Variants in PSPC1 observed in about 807,000 individuals in gnomAD.
PSPC1 encodes the protein paraspeckle protein 1.
A neutral mutation model predicts 51.6 loss-of-function variants in PSPC1; 14 were observed. That is an observed-to-expected ratio of 0.27 (90% CI 0.18 to 0.42). The LOEUF (loss-of-function observed/expected upper bound fraction) is 0.42, where lower values mean the gene tolerates loss of function less well. PSPC1 is among the 10% of genes least tolerant of loss of function. The pLI is 1.00. For synonymous variants in PSPC1, 193 were observed against 231.9 expected (o/e 0.83, Z 1.53); for missense variants, 406 against 701.1 (o/e 0.58, Z 4.75).
At chr13:19,772,894 G>A (rs114686430) in intron 1 of PSPC1, among the ~76,000 whole-genome samples, 39 of 152,268 alleles carry the variant, frequency 2.6e-4, no homozygotes, top group African/African-American at 9.1e-4. Context: ...GGGCACAGTG[G>A]TTCACCCCTG....
chr13:19,747,289 T>C (rs1886094465), intron 4 of PSPC1, among the ~76,000 whole-genome samples: 1 of 152,148 alleles, frequency 6.6e-6, no homozygotes, highest in Non-Finnish European at 1.5e-5. Flanking sequence ...AGGCGGATAT[T>C]TACATATATA....
At chr13:19,778,072 T>C (rs1889362774) in intron 1 of PSPC1, among the ~76,000 whole-genome samples, 1 of 151,302 alleles carries the variant, frequency 6.6e-6, no homozygotes, top group South Asian at 2.1e-4. Flanking sequence ...TGAAACCCCG[T>C]CTCTACTAAA....
chr13:19,713,652 G>A (rs960450894), intron 6 of PSPC1, among the ~76,000 whole-genome samples: 1 of 150,206 alleles, frequency 6.7e-6, no homozygotes, highest in African/African-American at 2.4e-5. Context: ...TCCATGGAAA[G>A]AATTATACAT....
chr13:19,759,379 A>G lies in PSPC1; in HGVS notation c.714T>C (p.Phe238=). 1.2e-6 allele frequency: 2 copies of G among 1,614,202 alleles called. No homozygotes were observed. The highest frequency in any genetic ancestry group is 2.2e-5 in the South Asian group (2 of 91,082). ...RPVIVEPMEQ[F]DDEDGLPEKL... ...TCTCTGGCAAGCCATCTTCATCATC[A>G]AACTGCTCCATGGGTTCCACAATGA... Residue 238 remains phenylalanine, a synonymous_variant, in exon 3 of 9, where the codon TTT becomes TTC. Transcript: ENST00000338910.
chr13:19,747,059 G>A (rs1229846790), intron 4 of PSPC1, among the ~76,000 whole-genome samples: 1 of 152,112 alleles, frequency 6.6e-6, no homozygotes, highest in African/African-American at 2.4e-5. Flanking sequence ...AGTATGCCGA[G>A]ATGGCGCCAT....
chr13:19,703,311 A>G lies in PSPC1; in HGVS notation c.1436T>C (p.Met479Thr). ...QGPPSQMGSP[M>T]GSRTGSETPQ... The stretch of plus-strand genomic sequence containing the variant: ...GGTTTCAGAACCTGTTCTACTCCCC[A>G]TAGGTGAACCCATCTGAGATGGTGG... Residue 479 changes from methionine to threonine, a missense_variant, in exon 9 of 9, where the codon ATG (methionine) becomes ACG (threonine). Coordinates refer to ENST00000338910, the MANE Select transcript of PSPC1 (RefSeq NM_001354909.2). The G allele has an allele frequency of 6.2e-7, 1 of 1,613,680 alleles. No individual in the cohort carries two copies. The highest frequency in any genetic ancestry group is 8.5e-7 in the Non-Finnish European group (1 of 1,179,602).
chr13:19,735,259 C>T (rs867919072), intron 5 of PSPC1, among the ~76,000 whole-genome samples: 5 of 152,124 alleles, frequency 3.3e-5, no homozygotes, highest in South Asian at 2.1e-4. Context: ...TTGCAGCGAC[C>T]GAGATCGCGC....
intron 7 of PSPC1, among the ~76,000 whole-genome samples, chr13:19,676,701 T>A (rs1032830861): frequency 6.6e-6 from 1 of 152,162 alleles, no homozygotes; most frequent in Non-Finnish European, 1.5e-5. Flanking sequence ...GAACCACTTG[T>A]AGCAGCAAGA....
chr13:19,717,705 C>CAAA (rs780984201), intron 6 of PSPC1, among the ~76,000 whole-genome samples: 8,525 of 72,004 alleles, frequency 0.12, 462 homozygotes, highest in Middle Eastern at 0.16. Context: ...GACTCTGTCT[C>CAAA]AAAAAAAAAA....
At chr13:19,745,396 G>C (rs1374390391) in intron 4 of PSPC1, among the ~76,000 whole-genome samples, 1 of 151,994 alleles carries the variant, frequency 6.6e-6, no homozygotes, top group Non-Finnish European at 1.5e-5. Context: ...TAATTTCAAT[G>C]TATCATAAAT....
chr13:19,723,385 C>T (rs1248112514), intron 6 of PSPC1, among the ~76,000 whole-genome samples: 1 of 152,148 alleles, frequency 6.6e-6, no homozygotes, highest in Non-Finnish European at 1.5e-5. Flanking sequence ...AAAAGATTTA[C>T]AAATATGAAT....
chr13:19,760,481 T>C (rs958042031), intron 2 of PSPC1, among the ~76,000 whole-genome samples: 9 of 150,870 alleles, frequency 6.0e-5, no homozygotes, highest in Admixed American at 1.3e-4. Context: ...TGAGTGGCGA[T>C]CGCACCACTG....
rs35726784 is a variant in PSPC1 at position 19,717,875 on chromosome 13, T to TAA, written c.1159-8278_1159-8277dup. Reference sequence around the variant, plus strand: ...TGGGCGACAGAGGGAGACTCCACTTTAAAAAAAAAAAAGTAAATAAGGGTC... The same window carrying TAA: ...TGGGCGACAGAGGGAGACTCCACTTTAAAAAAAAAAAAAAGTAAATAAGGGTC... On this transcript the variant is annotated intron_variant, in intron 6 of 8. Coordinates refer to ENST00000338910, the MANE Select transcript of PSPC1 (RefSeq NM_001354909.2). Among the ~76,000 whole-genome samples, 689 of 138,104 alleles carry TAA rather than the reference T, an allele frequency of 5.0e-3. 5 individuals are homozygous for TAA. Among genetic ancestry groups the TAA allele is most frequent in the South Asian group, 0.028 (123 of 4,338 alleles). 90.6% of individuals were successfully genotyped at this position (138,104 alleles called of 152,430 possible). A position where few individuals can be genotyped will look rare whatever the true frequency, so the allele number is the denominator to read the frequency against.
rs147252989 is a variant in PSPC1, at chr13:19,712,054, A to G, written c.1159-2455T>C. On this transcript the variant is annotated intron_variant, in intron 6 of 8. Coordinates refer to ENST00000338910, the MANE Select transcript of PSPC1 (RefSeq NM_001354909.2). ...TGCTTCAAAACACCCAAAATCTTCT[A>G]GCTATAAAAATAATATCTATAGTAT... is the stretch of plus-strand genomic sequence containing the variant. 8.5e-3 allele frequency among the ~76,000 whole-genome samples: 1,289 copies of G among 152,312 alleles called. 17 individuals carry two copies. Among genetic ancestry groups the G allele is most frequent in the African/African-American group, 0.029 (1,208 of 41,576 alleles).
intron 1 of PSPC1, among the ~76,000 whole-genome samples, chr13:19,775,788 C>T (rs549603530): frequency 6.6e-6 from 1 of 152,190 alleles, no homozygotes; most frequent in East Asian, 1.9e-4. Context: ...CAGTGGCTCA[C>T]GCCTGTAATC....
chr13:19,717,273 A>G (rs1232736516), intron 6 of PSPC1, among the ~76,000 whole-genome samples: 1 of 151,256 alleles, frequency 6.6e-6, no homozygotes, highest in Non-Finnish European at 1.5e-5. Context: ...TTTTCTAATA[A>G]AAGTAAACTG....
intron 6 of PSPC1, among the ~76,000 whole-genome samples, chr13:19,687,998 G>T (rs369613828): frequency 2.6e-5 from 4 of 151,662 alleles, no homozygotes; most frequent in African/African-American, 4.8e-5. Flanking sequence ...CACTCTGATC[G>T]TATCTACTCC....
intron 4 of PSPC1, among the ~76,000 whole-genome samples, chr13:19,746,828 G>A (rs1192506632): frequency 1.3e-5 from 2 of 150,756 alleles, no homozygotes; most frequent in African/African-American, 2.4e-5. Context: ...CAACATTTAC[G>A]GCTGGGTGTG....
chr13:19,693,765 G>A (rs755847854), intron 6 of PSPC1, among the ~76,000 whole-genome samples: 14 of 152,014 alleles, frequency 9.2e-5, no homozygotes, highest in Non-Finnish European at 1.9e-4. Context: ...TTCCCTGCAG[G>A]ACAGCAAACA....
Sources: gnomAD v4.1 joint callset for allele counts (sites outside exome capture counted in the v4.1 genomes callset) on GRCh38, gnomAD v4.1.1 for gene constraint, MANE v1.5 for transcripts, NCBI Gene and HGNC (gene_info 2026-07-23, HGNC 2026-07-21) for gene names.